Variants in WDFY2 observed in about 807,000 individuals in gnomAD.
WDFY2 encodes the protein WD repeat and FYVE domain containing 2, also known as WD repeat and FYVE domain-containing protein 2.
A neutral mutation model predicts 56.4 loss-of-function variants in WDFY2; 36 were observed. That is an observed-to-expected ratio of 0.64 (90% CI 0.49 to 0.84). The LOEUF (loss-of-function observed/expected upper bound fraction) is 0.84, where lower values mean the gene tolerates loss of function less well. WDFY2 is among the 40% of genes least tolerant of loss of function. The probability of loss-of-function intolerance (pLI) is 0.00; values close to 1 mark genes in which losing one functional copy is unlikely to be tolerated. For missense variants in WDFY2, 444 were observed against 512.2 expected (o/e 0.87, Z 1.29); for synonymous variants, 176 against 183.7 (o/e 0.96, Z 0.34).
chr13:51,634,102 C>T (rs1566327854), intron 1 of WDFY2, among the ~76,000 whole-genome samples: 3 of 152,132 alleles, frequency 2.0e-5, no homozygotes, highest in Non-Finnish European at 4.4e-5. Context: ...TTCATCAGCT[C>T]CAAAATGGAC....
intron 2 of WDFY2, among the ~76,000 whole-genome samples, chr13:51,665,847 T>G (rs1230245952): frequency 1.3e-5 from 2 of 152,236 alleles, no homozygotes; most frequent in Non-Finnish European, 2.9e-5. Flanking sequence ...CCTAAGTATT[T>G]ATAAATTTTT....
chr13:51,699,948 T>A (rs1460737283), intron 3 of WDFY2, among the ~76,000 whole-genome samples: 3 of 152,208 alleles, frequency 2.0e-5, no homozygotes, highest in Non-Finnish European at 4.4e-5. Flanking sequence ...TTGAATAAAG[T>A]TTGGCATATC....
intron 1 of WDFY2, among the ~76,000 whole-genome samples, chr13:51,658,108 T>G (rs1955543491): frequency 6.6e-6 from 1 of 152,236 alleles, no homozygotes; most frequent in Non-Finnish European, 1.5e-5. Flanking sequence ...AGTCATATAA[T>G]TCTCCCTCTC....
chr13:51,763,198 A>T lies in WDFY2; in HGVS notation c.*3429A>T, dbSNP rs1376641030. 1 of 152,218 alleles carries T rather than the reference A, an allele frequency of 6.6e-6. No individual in the cohort carries two copies. Among genetic ancestry groups the T allele is most frequent in the Non-Finnish European group, 1.5e-5 (1 of 68,042 alleles). The allele number at this position is 152,218 out of a possible 1,614,324, so 9.4% of individuals were successfully genotyped here. On this transcript the variant is annotated 3_prime_UTR_variant, in exon 12 of 12. Coordinates refer to ENST00000298125, the MANE Select transcript of WDFY2 (RefSeq NM_052950.4). ...AGCTGTTTTTGAACATTACTTAGTA[A>T]TGGCATGAGTGGGAGGAGAGACTTT...
intron 1 of WDFY2, among the ~76,000 whole-genome samples, chr13:51,612,493 A>G (rs916675400): frequency 6.6e-6 from 1 of 151,998 alleles, no homozygotes; most frequent in Non-Finnish European, 1.5e-5. Context: ...TTACAATTAA[A>G]TTTTTTTTAC....
Position 51,711,170 on chromosome 13 carries a change from C to G in WDFY2, c.334+7520C>G, listed in dbSNP as rs139460094. Among the ~76,000 whole-genome samples, 268 of 152,108 alleles carry G rather than the reference C, an allele frequency of 1.8e-3. 1 individual carries two copies. The Middle Eastern group carries it at 0.034, about 19-fold the overall frequency. ...ACCATCTGATCTTTGACAAACCTGA[C>G]AAAAACAAGAAATGGGGAAAGGATT... On this transcript the variant is annotated intron_variant, in intron 4 of 11. Coordinates refer to ENST00000298125, the MANE Select transcript of WDFY2 (RefSeq NM_052950.4).
At chr13:51,711,135 C>T (rs938548408) in intron 4 of WDFY2, among the ~76,000 whole-genome samples, 3 of 152,120 alleles carry the variant, frequency 2.0e-5, no homozygotes, top group African/African-American at 7.2e-5. Context: ...AATAATACCA[C>T]ACATCCACAA....
At chr13:51,648,818 A>G (rs1186832224) in intron 1 of WDFY2, among the ~76,000 whole-genome samples, 2 of 152,244 alleles carry the variant, frequency 1.3e-5, no homozygotes, top group African/African-American at 4.8e-5. Flanking sequence ...AAATGTGATC[A>G]GCTGTATCCA....
chr13:51,622,853 CTTT>C (rs59372497), intron 1 of WDFY2, among the ~76,000 whole-genome samples: 3 of 130,956 alleles, frequency 2.3e-5, no homozygotes, highest in South Asian at 2.4e-4. Context: ...TAACTTTACA[CTTT>C]TTTTTTTTTT....
intron 1 of WDFY2, among the ~76,000 whole-genome samples, chr13:51,599,896 C>G (rs1461871845): frequency 7.2e-6 from 1 of 139,666 alleles, no homozygotes; most frequent in Non-Finnish European, 1.6e-5. Flanking sequence ...AACAAACAAA[C>G]AAAAAAAAAA....
intron 1 of WDFY2, among the ~76,000 whole-genome samples, chr13:51,603,359 G>A (rs1347444027): frequency 1.3e-5 from 2 of 152,180 alleles, no homozygotes; most frequent in East Asian, 3.9e-4. Context: ...AGGTAGTAAT[G>A]CCTGGTAGGG....
chr13:51,700,139 TA>T (rs549157442), intron 3 of WDFY2, among the ~76,000 whole-genome samples: 1 of 151,928 alleles, frequency 6.6e-6, no homozygotes, highest in East Asian at 1.9e-4. Context: ...TATAAGGGTT[TA>T]AAAAAAAGAC....
At chr13:51,717,375 G>A (rs1952378781) in intron 4 of WDFY2, among the ~76,000 whole-genome samples, 1 of 152,070 alleles carries the variant, frequency 6.6e-6, no homozygotes, top group South Asian at 2.1e-4. Flanking sequence ...AGGGAGAATA[G>A]GGTTTTGATT....
chr13:51,695,755 G>A (rs560513798), intron 3 of WDFY2, among the ~76,000 whole-genome samples: 2 of 152,252 alleles, frequency 1.3e-5, no homozygotes, highest in Non-Finnish European at 2.9e-5. Context: ...GGTTACTGCT[G>A]TCTTTTTGTT....
chr13:51,667,927 T>A, intron 2 of WDFY2, among the ~76,000 whole-genome samples: 1 of 132,956 alleles, frequency 7.5e-6, no homozygotes, highest in African/African-American at 2.8e-5. Flanking sequence ...AGTCTTGCTC[T>A]GTCACCCAGG....
intron 1 of WDFY2, among the ~76,000 whole-genome samples, chr13:51,632,136 C>G (rs1954964466): frequency 6.6e-6 from 1 of 151,926 alleles, no homozygotes; most frequent in Non-Finnish European, 1.5e-5. Flanking sequence ...TCTTTTAACA[C>G]TTAGTATGGT....
At chr13:51,719,100 TG>T in intron 4 of WDFY2, 97 bp from the exon 5 acceptor site, 2 of 1,532,584 alleles carry the variant, frequency 1.3e-6, no homozygotes, top group Non-Finnish European at 8.9e-7. Flanking sequence ...CAGCTTATTC[TG>T]GGGTGGGGAG....
chr13:51,754,605 A>G (rs757576599), intron 8 of WDFY2, among the ~76,000 whole-genome samples: 4 of 152,166 alleles, frequency 2.6e-5, no homozygotes, highest in Non-Finnish European at 4.4e-5. Flanking sequence ...CTCTCTTCAT[A>G]TATGTTAGCC....
Position 51,660,644 on chromosome 13 carries a change from C to T in WDFY2, c.186C>T (p.Ser62=), listed in dbSNP as rs201069156. The T allele has an allele frequency of 9.9e-6, 16 of 1,613,824 alleles. No homozygotes were observed. The highest frequency in any genetic ancestry group is 6.7e-5 in the African/African-American group (5 of 75,028). ...LKRDSGQYWP[S]VYHAMPSPCS... ...GAGACAGTGGACAGTATTGGCCAAGCGTATACCATGCAATGCCTTGTAAGT... is the reference window on the plus strand; with the variant it reads ...GAGACAGTGGACAGTATTGGCCAAGTGTATACCATGCAATGCCTTGTAAGT... The change falls in exon 2 of 12, where the codon AGC becomes AGT. Residue 62 remains serine, a synonymous_variant. Transcript: ENST00000298125.
Sources: gnomAD v4.1 joint callset for allele counts (sites outside exome capture counted in the v4.1 genomes callset) on GRCh38, gnomAD v4.1.1 for gene constraint, MANE v1.5 for transcripts, NCBI Gene and HGNC (gene_info 2026-07-23, HGNC 2026-07-21) for gene names.